Variants in SLX4IP observed in about 807,000 individuals in gnomAD.
SLX4IP encodes the protein protein SLX4IP.
SLX4IP carries 34 observed loss-of-function variants against 32.9 expected under a neutral mutation model. The ratio of observed to expected loss-of-function variants is 1.03; its 90% CI spans 0.79 to 1.38. The LOEUF (loss-of-function observed/expected upper bound fraction) is 1.38. Among genes scored for constraint, SLX4IP ranks in the 40% most tolerant of loss-of-function variants. The probability of loss-of-function intolerance (pLI) is 0.00; values close to 1 mark genes in which losing one functional copy is unlikely to be tolerated. For synonymous variants in SLX4IP, 172 were observed against 171.7 expected (o/e 1.00, Z -0.01); for missense variants, 444 against 479.0 (o/e 0.93, Z 0.68).
At chr20:10,546,143 C>A (rs2066160083) in intron 2 of SLX4IP, among the ~76,000 whole-genome samples, 1 of 152,166 alleles carries the variant, frequency 6.6e-6, no homozygotes, top group South Asian at 2.1e-4. Context: ...CATAATTGAT[C>A]CAGAACATGC....
intron 2 of SLX4IP, 120 bp from the exon 3 acceptor site, chr20:10,556,111 A>G (rs2122496530): frequency 2.6e-6 from 2 of 756,016 alleles, no homozygotes; most frequent in East Asian, 2.7e-5. Flanking sequence ...AGTTCTGTCT[A>G]GTAGTGAACT....
chr20:10,479,585 T>C (rs2065504351), intron 2 of SLX4IP, among the ~76,000 whole-genome samples: 1 of 39,472 alleles, frequency 2.5e-5, no homozygotes, highest in Non-Finnish European at 4.4e-5. Flanking sequence ...CTCCTGACCT[T>C]GTGATCCGCC....
rs57274459 is a variant in SLX4IP, at chr20:10,560,583, T to G, written c.118-117T>G. 2,828 of 798,644 alleles carry G rather than the reference T, an allele frequency of 3.5e-3. 59 individuals carry two copies. The African/African-American group carries it at 0.046, about 13-fold the overall frequency. 49.5% of individuals were successfully genotyped at this position (798,644 alleles called of 1,614,324 possible). A position where few individuals can be genotyped will look rare whatever the true frequency, so the allele number is the denominator to read the frequency against. On this transcript the variant is annotated intron_variant, in intron 3 of 7. Coordinates refer to ENST00000334534, the MANE Select transcript of SLX4IP (RefSeq NM_001009608.3). Reference sequence around the variant, plus strand: ...GCACATATGACATTCCTTTCAACATTCACAGCTAAATTAAAAAGCAAAATG... The same window carrying G: ...GCACATATGACATTCCTTTCAACATGCACAGCTAAATTAAAAAGCAAAATG...
intron 4 of SLX4IP, among the ~76,000 whole-genome samples, chr20:10,572,652 C>A (rs1021299317): frequency 6.6e-6 from 1 of 152,170 alleles, no homozygotes; most frequent in East Asian, 1.9e-4. Context: ...AAACCCAGTC[C>A]TTTGGAAAAT....
intron 4 of SLX4IP, among the ~76,000 whole-genome samples, chr20:10,564,105 C>T (rs2066362329): frequency 9.5e-6 from 1 of 105,472 alleles, no homozygotes; most frequent in African/African-American, 3.6e-5. Context: ...GATCTAGACA[C>T]CTGCAGGGAC....
intron 2 of SLX4IP, among the ~76,000 whole-genome samples, chr20:10,545,944 A>G (rs995034538): frequency 6.6e-6 from 1 of 152,196 alleles, no homozygotes; most frequent in African/African-American, 2.4e-5. Context: ...TAAACTGAAA[A>G]GCTTTTCTTT....
At chr20:10,446,403 C>A in intron 1 of SLX4IP, among the ~76,000 whole-genome samples, 1 of 121,298 alleles carries the variant, frequency 8.2e-6, no homozygotes, top group Non-Finnish European at 1.8e-5. Flanking sequence ...CAGAGTGCGA[C>A]TCTGTCTCAA....
chr20:10,550,037 G>C (rs2066202567), intron 2 of SLX4IP, among the ~76,000 whole-genome samples: 1 of 152,166 alleles, frequency 6.6e-6, no homozygotes, highest in Admixed American at 6.5e-5. Context: ...CTTTCTAGCT[G>C]TAGTATCAGA....
At chr20:10,474,556 T>C (rs948148978) in intron 2 of SLX4IP, among the ~76,000 whole-genome samples, 1 of 152,164 alleles carries the variant, frequency 6.6e-6, no homozygotes, top group Non-Finnish European at 1.5e-5. Flanking sequence ...TGGAGTTTTT[T>C]CCTTTTTCTT....
At chr20:10,481,048 C>T (rs999423441) in intron 2 of SLX4IP, among the ~76,000 whole-genome samples, 5 of 150,480 alleles carry the variant, frequency 3.3e-5, no homozygotes. Context: ...AAAAGCTTAA[C>T]TATAACATCT....
At chr20:10,574,869 C>T (rs2066507209) in intron 4 of SLX4IP, among the ~76,000 whole-genome samples, 1 of 152,058 alleles carries the variant, frequency 6.6e-6, no homozygotes, top group Non-Finnish European at 1.5e-5. Context: ...GACGGGGTTT[C>T]TCCATGTTAG....
chr20:10,447,156 G>A lies in SLX4IP; in HGVS notation c.-29-11020G>A, dbSNP rs182980475. On this transcript the variant is annotated intron_variant, in intron 1 of 7. Transcript: ENST00000334534. ...TGTTTGACCACAGTTTATTGAATGA[G>A]TCATCTCTTCATTTCACACTAATTT... Among the ~76,000 whole-genome samples, 330 of 152,204 alleles carry A rather than the reference G, an allele frequency of 2.2e-3. 1 individual carries two copies. The highest frequency in any genetic ancestry group is 3.6e-3 in the Non-Finnish European group (245 of 68,010).
At chr20:10,559,200 A>G (rs1208196854) in intron 3 of SLX4IP, among the ~76,000 whole-genome samples, 1 of 152,020 alleles carries the variant, frequency 6.6e-6, no homozygotes. Context: ...ACTCAACTGT[A>G]AAGGGATATC....
At chr20:10,555,816 A>C (rs906310719) in intron 2 of SLX4IP, among the ~76,000 whole-genome samples, 1 of 152,172 alleles carries the variant, frequency 6.6e-6, no homozygotes, top group East Asian at 1.9e-4. Context: ...GCAGTATCTT[A>C]TATCTGTTAT....
intron 2 of SLX4IP, among the ~76,000 whole-genome samples, chr20:10,535,580 C>T (rs1272425135): frequency 6.6e-6 from 1 of 152,146 alleles, no homozygotes; most frequent in Non-Finnish European, 1.5e-5. Flanking sequence ...CTCGGCCTCC[C>T]AAAGTACTGG....
intron 2 of SLX4IP, among the ~76,000 whole-genome samples, chr20:10,543,477 T>C (rs1359949280): frequency 6.6e-6 from 1 of 152,120 alleles, no homozygotes. Flanking sequence ...GTCTGAAACC[T>C]TGAGACTGAT....
intron 4 of SLX4IP, among the ~76,000 whole-genome samples, chr20:10,581,623 A>T (rs1480044228): frequency 1.3e-5 from 2 of 152,136 alleles, no homozygotes; most frequent in African/African-American, 4.8e-5. Context: ...TTCTAGTAAA[A>T]CAAAGGGAGA....
intron 4 of SLX4IP, among the ~76,000 whole-genome samples, chr20:10,581,474 G>A (rs2066585763): frequency 6.6e-6 from 1 of 152,170 alleles, no homozygotes. Context: ...AAGATGTAGT[G>A]TATTATTACC....
At chr20:10,512,647 G>T (rs1287775100) in intron 2 of SLX4IP, among the ~76,000 whole-genome samples, 1 of 137,454 alleles carries the variant, frequency 7.3e-6, no homozygotes, top group Non-Finnish European at 1.6e-5. Flanking sequence ...AGTATATATA[G>T]TATTTTTTAT....
Sources: gnomAD v4.1 joint callset for allele counts (sites outside exome capture counted in the v4.1 genomes callset) on GRCh38, gnomAD v4.1.1 for gene constraint, MANE v1.5 for transcripts, NCBI Gene and HGNC (gene_info 2026-07-23, HGNC 2026-07-21) for gene names.